The following TMEM131 variants were observed in gnomAD, a reference collection of about 807,000 sequenced individuals.
The protein encoded by TMEM131 is transmembrane protein 131.
Under a neutral mutation model 211.6 loss-of-function variants are expected in TMEM131, and 66 were observed. The observed-to-expected ratio is 0.31, with a 90% CI of 0.26 to 0.38. The LOEUF (loss-of-function observed/expected upper bound fraction) is 0.38, where lower values mean the gene tolerates loss of function less well. TMEM131 is among the 10% of genes least tolerant of loss of function. The pLI, the probability that TMEM131 is intolerant of heterozygous loss-of-function variation, is 1.00. For synonymous variants in TMEM131, 844 were observed against 841.3 expected (o/e 1.00, Z -0.06); for missense variants, 2,036 against 2,299.3 (o/e 0.89, Z 2.34).
chr2:97,759,002 C>T lies in TMEM131; in HGVS notation c.5258G>A (p.Arg1753Lys). ...LSRSCNQASQ[R>K]SWNEFNSGPS... is the part of the protein sequence containing the mutation. ...GCCACTATTAAACTCGTTCCAGCTC[C>T]TCTGTGAGGCCTGATTGCACGATCG... Residue 1753 changes from arginine (R) to lysine (K), a missense_variant, in exon 40 of 41, where the codon AGG becomes AAG. Physicochemically the swap from Arg to Lys is conservative, Grantham distance 26 (BLOSUM62 2). Coordinates refer to ENST00000186436, the MANE Select transcript of TMEM131 (RefSeq NM_015348.2). The T allele has an allele frequency of 6.2e-7, 1 of 1,614,080 alleles. No homozygotes were observed. Among genetic ancestry groups the T allele is most frequent in the Non-Finnish European group, 8.5e-7 (1 of 1,179,908 alleles).
chr2:97,909,189 A>T (rs1676196651), intron 2 of TMEM131, among the ~76,000 whole-genome samples: 1 of 152,226 alleles, frequency 6.6e-6, no homozygotes, highest in South Asian at 2.1e-4. Flanking sequence ...TCATGAAGGA[A>T]GGCCTGTCTG....
intron 5 of TMEM131, among the ~76,000 whole-genome samples, chr2:97,851,681 G>C (rs879435748): frequency 3.3e-5 from 5 of 152,014 alleles, no homozygotes; most frequent in African/African-American, 7.3e-5. Flanking sequence ...TGTGATCTTT[G>C]ATGTTGCTAC....
chr2:97,775,826 G>A lies in TMEM131; in HGVS notation c.4320+17C>T. 1.2e-6 allele frequency: 2 copies of A among 1,602,494 alleles called. No individual in the cohort carries two copies. The highest frequency in any genetic ancestry group is 1.7e-6 in the Non-Finnish European group (2 of 1,176,138). On this transcript the variant is annotated intron_variant, in intron 32 of 40. Coordinates refer to ENST00000186436, the MANE Select transcript of TMEM131 (RefSeq NM_015348.2). Reference sequence around the variant, plus strand: ...CTCTTTCTCCCTCGTGTTTTGTTGTGTGAGATCAGCCCGTACCTCCTTGAG... The same window carrying A: ...CTCTTTCTCCCTCGTGTTTTGTTGTATGAGATCAGCCCGTACCTCCTTGAG...
intron 1 of TMEM131, among the ~76,000 whole-genome samples, chr2:97,972,012 A>G (rs1679318652): frequency 6.6e-6 from 1 of 152,198 alleles, no homozygotes; most frequent in Admixed American, 6.5e-5. Context: ...GTTTGAGACC[A>G]GCATGGCCAA....
intron 10 of TMEM131, 114 bp from the exon 11 acceptor site, chr2:97,833,540 A>G (rs980802325): frequency 2.2e-5 from 13 of 588,804 alleles, no homozygotes; most frequent in Non-Finnish European, 3.9e-5. Flanking sequence ...ATACAATGAC[A>G]ATAAGATTAA....
chr2:97,900,550 T>C (rs1675809586), intron 3 of TMEM131, among the ~76,000 whole-genome samples: 1 of 151,996 alleles, frequency 6.6e-6, no homozygotes. Context: ...TGTGGAATAC[T>C]ATTAAGAATC....
At chr2:97,867,550 A>T (rs1031170007) in intron 4 of TMEM131, among the ~76,000 whole-genome samples, 3 of 151,998 alleles carry the variant, frequency 2.0e-5, no homozygotes, top group Non-Finnish European at 4.4e-5. Context: ...GGGGTGGTAG[A>T]CCCTGGTCTT....
intron 1 of TMEM131, among the ~76,000 whole-genome samples, chr2:97,968,689 G>A (rs1214744023): frequency 6.6e-6 from 1 of 152,190 alleles, no homozygotes; most frequent in Non-Finnish European, 1.5e-5. Flanking sequence ...TAGTGAAGAC[G>A]AGACCTGGCA....
chr2:97,863,702 A>T (rs1674157386), intron 4 of TMEM131, among the ~76,000 whole-genome samples: 1 of 152,188 alleles, frequency 6.6e-6, no homozygotes, highest in South Asian at 2.1e-4. Context: ...GAGATATCTG[A>T]TTCCAATTAA....
At chr2:97,774,636 C>G (rs536042672) in intron 32 of TMEM131, among the ~76,000 whole-genome samples, 59 of 152,292 alleles carry the variant, frequency 3.9e-4, no homozygotes, top group African/African-American at 1.4e-3. Flanking sequence ...GAGCACAGAA[C>G]ACTGGCCACT....
At chr2:97,814,667 A>C (rs1268576119) in intron 13 of TMEM131, among the ~76,000 whole-genome samples, 1 of 152,232 alleles carries the variant, frequency 6.6e-6, no homozygotes, top group Non-Finnish European at 1.5e-5. Flanking sequence ...TACTTTGAAA[A>C]AAATCATGCT....
chr2:97,797,227 G>A (rs1394827803), intron 26 of TMEM131, 138 bp downstream of exon 26: 10 of 902,934 alleles, frequency 1.1e-5, no homozygotes, highest in Admixed American at 2.4e-5. Context: ...TGTTTCATCA[G>A]GCATGGAGTG....
At chr2:97,785,865 A>G (rs1185621609) in intron 31 of TMEM131, among the ~76,000 whole-genome samples, 1 of 152,242 alleles carries the variant, frequency 6.6e-6, no homozygotes, top group South Asian at 2.1e-4. Context: ...GAATCTCCAG[A>G]GAATTAAACT....
chr2:97,834,573 T>TAAAA, intron 10 of TMEM131, 48 bp downstream of exon 10: 10 of 1,271,406 alleles, frequency 7.9e-6, no homozygotes, highest in Non-Finnish European at 7.4e-6. Flanking sequence ...ATACAGGGGT[T>TAAAA]AAAAAAAAAA....
chr2:97,944,716 C>T (rs896776710), intron 1 of TMEM131, among the ~76,000 whole-genome samples: 2 of 152,060 alleles, frequency 1.3e-5, no homozygotes, highest in Non-Finnish European at 2.9e-5. Context: ...CACGAAAAGA[C>T]GCTCAAAACC....
intron 4 of TMEM131, among the ~76,000 whole-genome samples, chr2:97,874,960 G>A (rs573884465): frequency 1.1e-3 from 162 of 152,220 alleles, no homozygotes; most frequent in African/African-American, 3.8e-3. Context: ...TCAGTGTGCT[G>A]TACTCAGGAG....
At chr2:97,816,099 G>C (rs927596183) in intron 12 of TMEM131, among the ~76,000 whole-genome samples, 19 of 152,158 alleles carry the variant, frequency 1.2e-4, no homozygotes, top group Admixed American at 5.2e-4. Flanking sequence ...CCAGCACTTT[G>C]CCAGGCTGAG....
chr2:97,781,366 C>T (rs969925935), intron 31 of TMEM131, among the ~76,000 whole-genome samples: 68 of 152,202 alleles, frequency 4.5e-4, no homozygotes, highest in African/African-American at 1.6e-3. Flanking sequence ...AAATGCTTAT[C>T]CCATCTCAAT....
At chr2:97,898,163 T>A (rs923176328) in intron 3 of TMEM131, among the ~76,000 whole-genome samples, 1 of 152,132 alleles carries the variant, frequency 6.6e-6, no homozygotes, top group Non-Finnish European at 1.5e-5. Context: ...TTAATTGATT[T>A]CTAGTATATC....
Sources: allele counts gnomAD v4.1 joint callset (sites outside exome capture counted in the v4.1 genomes callset), GRCh38; gene constraint gnomAD v4.1.1; transcripts MANE v1.5; gene names NCBI Gene and HGNC (gene_info 2026-07-23, HGNC 2026-07-21).